The following RNF32 variants were observed in gnomAD, a reference collection of about 807,000 sequenced individuals.
RNF32 encodes ring finger protein 32.
Under a neutral mutation model 41.0 loss-of-function variants are expected in RNF32, and 36 were observed. That is an observed-to-expected ratio of 0.88 (90% CI 0.67 to 1.16). The LOEUF (loss-of-function observed/expected upper bound fraction) is 1.16, where lower values mean the gene tolerates loss of function less well. Ranked by LOEUF, RNF32 falls within the 50% of genes most tolerant of loss-of-function variation. The pLI is 0.00. For synonymous variants in RNF32, 154 were observed against 160.9 expected, an observed-to-expected ratio of 0.96 and a Z score of 0.32; for missense variants, 413 against 436.7, an observed-to-expected ratio of 0.95 and a Z score of 0.48.
intron 7 of RNF32, among the ~76,000 whole-genome samples, chr7:156,671,644 G>A (rs1802557429): frequency 6.6e-6 from 1 of 150,880 alleles, no homozygotes; most frequent in African/African-American, 2.4e-5. Context: ...TGTACTGCAG[G>A]ACGCCGATGT....
intron 4 of RNF32, 24 bp downstream of exon 4, chr7:156,654,742 T>C: frequency 6.2e-7 from 1 of 1,607,044 alleles, no homozygotes; most frequent in Non-Finnish European, 8.5e-7. Flanking sequence ...GAGGGTGAGC[T>C]AGAGAGCTCC....
chr7:156,668,782 G>A (rs1332605179), intron 7 of RNF32, among the ~76,000 whole-genome samples: 2 of 152,188 alleles, frequency 1.3e-5, no homozygotes, highest in African/African-American at 4.8e-5. Context: ...CTGTTCTATG[G>A]CAGCTGAGCA....
Position 156,669,599 on chromosome 7 carries a change from C to G in RNF32, c.685-6097C>G, listed in dbSNP as rs1802012970. Reference sequence around the variant, plus strand: ...GTGAGGCCCTGAGCTGGGCGCTGAGCAGATAGGTCATTTTCAAGAGGGCGA... The same window carrying G: ...GTGAGGCCCTGAGCTGGGCGCTGAGGAGATAGGTCATTTTCAAGAGGGCGA... On this transcript the variant is annotated intron_variant, in intron 7 of 8. Coordinates refer to ENST00000317955, the MANE Select transcript of RNF32 (RefSeq NM_030936.4). This position sits in a 1 kb window ranked among gnomAD's most constrained non-coding sequence, Gnocchi z 4.2. Among the ~76,000 whole-genome samples, 1 of 152,154 alleles carries G rather than the reference C, an allele frequency of 6.6e-6. No homozygotes were observed. The highest frequency in any genetic ancestry group is 1.5e-5 in the Non-Finnish European group (1 of 68,024).
chr7:156,673,597 A>G (rs986972046), intron 7 of RNF32, among the ~76,000 whole-genome samples: 7 of 152,186 alleles, frequency 4.6e-5, no homozygotes, highest in African/African-American at 1.7e-4. Flanking sequence ...GGCTAATCCC[A>G]AAACACAGGT....
At chr7:156,644,447 A>G (rs929307606) in intron 2 of RNF32, 52 bp from the exon 3 acceptor site, 16 of 1,394,842 alleles carry the variant, frequency 1.1e-5, no homozygotes, top group Non-Finnish European at 1.6e-5. Flanking sequence ...TCTCTTCTAA[A>G]TGATATATTA....
At chr7:156,656,026 A>G (rs1443199352) in intron 4 of RNF32, among the ~76,000 whole-genome samples, 2 of 152,188 alleles carry the variant, frequency 1.3e-5, no homozygotes, top group Non-Finnish European at 2.9e-5. Flanking sequence ...CCCATCCTGT[A>G]TATTTTGCAT....
At chr7:156,640,648 C>T (rs1425331258), upstream of RNF32, 2 of 369,342 alleles carry the variant, frequency 5.4e-6, no homozygotes, top group Admixed American at 3.4e-5. Flanking sequence ...GCGGGGCTGG[C>T]GAGCATGCGC....
chr7:156,660,228 C>T (rs1443488411), intron 7 of RNF32: 1 of 985,406 alleles, frequency 1.0e-6, no homozygotes, highest in Non-Finnish European at 1.2e-6. Flanking sequence ...TAAAATGTGC[C>T]AGTTTTTCAA....
chr7:156,673,593 T>C (rs1803088235), intron 7 of RNF32, among the ~76,000 whole-genome samples: 1 of 152,124 alleles, frequency 6.6e-6, no homozygotes, highest in Admixed American at 6.5e-5. Context: ...GTACGGCTAA[T>C]CCCAAAACAC....
At chr7:156,661,874 C>T (rs1478065822) in intron 7 of RNF32, among the ~76,000 whole-genome samples, 2 of 152,300 alleles carry the variant, frequency 1.3e-5, no homozygotes, top group Non-Finnish European at 2.9e-5. Context: ...ATCTGCTGAA[C>T]TGTAATCTTA....
chr7:156,659,113 C>T (rs1168050976), intron 7 of RNF32: 4 of 1,350,722 alleles, frequency 3.0e-6, no homozygotes, highest in African/African-American at 3.0e-5. Context: ...TTAACAATTT[C>T]CCATTCCTTG....
At position 156,676,689 on chromosome 7, in the gene RNF32, GA is replaced by G; in HGVS notation, c.*40del. Reference sequence around the variant, plus strand: ...TCAAGGAAAGTTAGGTAATTCTGAGGAAAAAAGTTTACCATCATTTTGGATG... The same window carrying G: ...TCAAGGAAAGTTAGGTAATTCTGAGGAAAAAGTTTACCATCATTTTGGATG... On this transcript the variant is annotated 3_prime_UTR_variant, in exon 9 of 9. Transcript: ENST00000317955. The G allele has an allele frequency of 6.4e-7, 1 of 1,554,658 alleles. No homozygotes were observed.
At chr7:156,640,605 G>C (rs1020055732), upstream of RNF32, 2 of 405,698 alleles carry the variant, frequency 4.9e-6, no homozygotes, top group South Asian at 1.7e-5. Flanking sequence ...TGTGGACAGG[G>C]CGTGGTTGGC....
chr7:156,672,759 G>T (rs866766783), intron 7 of RNF32, among the ~76,000 whole-genome samples: 1 of 152,226 alleles, frequency 6.6e-6, no homozygotes, highest in Admixed American at 6.5e-5. Context: ...CACTTACTCT[G>T]TTCCTCTCTC....
chr7:156,672,218 C>T (rs1563097677), intron 7 of RNF32, among the ~76,000 whole-genome samples: 2 of 152,224 alleles, frequency 1.3e-5, no homozygotes, highest in African/African-American at 4.8e-5. Flanking sequence ...ACTGACAAGT[C>T]TGTTTCTTTC....
At chr7:156,661,584 G>A (rs1007099322) in intron 7 of RNF32, among the ~76,000 whole-genome samples, 1 of 152,294 alleles carries the variant, frequency 6.6e-6, no homozygotes. Context: ...GCCTCCCAAA[G>A]TGCTGGGATT....
intron 3 of RNF32, among the ~76,000 whole-genome samples, chr7:156,648,896 G>C (rs988690098): frequency 1.3e-5 from 2 of 151,774 alleles, no homozygotes; most frequent in Admixed American, 1.3e-4. Flanking sequence ...ATTGCTGTTT[G>C]GGAGAGACTT....
In RNF32 at chr7:156,658,466, C is replaced by T. The variant is rs1238688710; in HGVS notation, c.580C>T (p.Gln194Ter). Reference sequence around the variant, plus strand: ...TTTCAAATATCTGTGTTTTAGAATCCAAGCCTACTGGAGAGGATGTGTTGT... The same window carrying T: ...TTTCAAATATCTGTGTTTTAGAATCTAAGCCTACTGGAGAGGATGTGTTGT... ...LFRIKCVTRI[Q>*]AYWRGCVVRK... The change falls in exon 7 of 9, where the codon CAA becomes TAA. Residue 194 changes from glutamine to a stop codon, truncating the protein, a stop_gained. Coordinates refer to ENST00000317955, the MANE Select transcript of RNF32 (RefSeq NM_030936.4). LOFTEE classifies it high-confidence loss of function. 4 of 1,610,302 alleles carry T rather than the reference C, an allele frequency of 2.5e-6. No individual in the cohort carries two copies. Among genetic ancestry groups the T allele is most frequent in the African/African-American group, 1.3e-5 (1 of 74,780 alleles).
intron 7 of RNF32, among the ~76,000 whole-genome samples, chr7:156,664,641 T>C (rs973262663): frequency 7.9e-5 from 12 of 152,176 alleles, no homozygotes; most frequent in African/African-American, 2.9e-4. Flanking sequence ...TTTTTAAAGA[T>C]GTAATCAATG....
Sources: allele counts gnomAD v4.1 joint callset (sites outside exome capture counted in the v4.1 genomes callset), GRCh38; gene constraint gnomAD v4.1.1; non-coding constraint Gnocchi (gnomAD v3.1); transcripts MANE v1.5; gene names NCBI Gene and HGNC (gene_info 2026-07-23, HGNC 2026-07-21).